Variants in CHL1 observed in about 807,000 individuals in gnomAD.
CHL1 encodes cell adhesion molecule L1 like.
A neutral mutation model predicts 141.9 loss-of-function variants in CHL1; 96 were observed. The ratio of observed to expected loss-of-function variants is 0.68; its 90% confidence interval spans 0.57 to 0.80. The LOEUF is 0.80. Ranked by LOEUF, CHL1 falls within the 30% of genes least tolerant of loss-of-function variation. The probability of loss-of-function intolerance (pLI) is 0.00; values close to 1 mark genes in which losing one functional copy is unlikely to be tolerated. For synonymous variants in CHL1, 613 were observed against 502.2 expected (o/e 1.22, Z -2.95); for missense variants, 1,820 against 1,457.2 (o/e 1.25, Z -4.05).
intron 2 of CHL1, among the ~76,000 whole-genome samples, chr3:289,713 T>C (rs1262356765): frequency 6.6e-6 from 1 of 151,974 alleles, no homozygotes; most frequent in Non-Finnish European, 1.5e-5. Context: ...TTAATACATA[T>C]TGATTTAATA....
chr3:299,432 T>A (rs1698512116), intron 2 of CHL1, among the ~76,000 whole-genome samples: 1 of 152,146 alleles, frequency 6.6e-6, no homozygotes, highest in East Asian at 1.9e-4. Context: ...CTTTTGGATG[T>A]TGATCTAGGA....
chr3:344,567 A>ACTTTT (rs770017993), intron 8 of CHL1, 22 bp from the exon 9 acceptor site: 2 of 1,584,520 alleles, frequency 1.3e-6, no homozygotes, highest in Non-Finnish European at 8.6e-7. Context: ...AAAAATTCTG[A>ACTTTT]CTTTTCTTTT....
At chr3:253,414 A>G (rs162737) in intron 2 of CHL1, among the ~76,000 whole-genome samples, 89,445 of 151,952 alleles carry the variant, frequency 0.59, 29,020 homozygotes, top group African/African-American at 0.88. Context: ...CAAGAAAGAA[A>G]CAAGAATAAG....
intron 15 of CHL1, among the ~76,000 whole-genome samples, chr3:366,346 C>T (rs1029069651): frequency 2.0e-5 from 3 of 151,894 alleles, no homozygotes. Flanking sequence ...TGGCACGTGC[C>T]TGTGATCCCA....
chr3:209,336 A>G (rs1699703097), intron 1 of CHL1, among the ~76,000 whole-genome samples: 1 of 152,232 alleles, frequency 6.6e-6, no homozygotes, highest in Non-Finnish European at 1.5e-5. Flanking sequence ...TACATTTAAT[A>G]TATTTCTTCC....
chr3:209,179 G>T (rs1420256533), intron 1 of CHL1, among the ~76,000 whole-genome samples: 2 of 152,168 alleles, frequency 1.3e-5, no homozygotes, highest in African/African-American at 2.4e-5. Flanking sequence ...ATTATGGAAA[G>T]ATCTTCCTAA....
chr3:252,395 T>TATATAC (rs1475279950), intron 2 of CHL1, among the ~76,000 whole-genome samples: 1 of 140,946 alleles, frequency 7.1e-6, no homozygotes, highest in Non-Finnish European at 1.6e-5. Context: ...TATATATATA[T>TATATAC]ATATATTTCT....
intron 24 of CHL1, 50 bp downstream of exon 24, chr3:394,922 C>G (rs1708545813): frequency 6.9e-7 from 1 of 1,439,226 alleles, no homozygotes; most frequent in South Asian, 1.3e-5. Context: ...AAAGAGACTG[C>G]ATCTTTTTAA....
At chr3:342,814 C>T (rs1702442602) in intron 7 of CHL1, among the ~76,000 whole-genome samples, 170 bp from the exon 8 acceptor site, 1 of 152,108 alleles carries the variant, frequency 6.6e-6, no homozygotes, top group African/African-American at 2.4e-5. Flanking sequence ...ATTAAACTCA[C>T]TATAATTATT....
At chr3:228,272 T>C (rs1006195886) in intron 1 of CHL1, among the ~76,000 whole-genome samples, 2 of 152,244 alleles carry the variant, frequency 1.3e-5, no homozygotes, top group Non-Finnish European at 2.9e-5. Flanking sequence ...ACCCAGGTGA[T>C]GTGCTTTTCG....
intron 2 of CHL1, among the ~76,000 whole-genome samples, chr3:274,788 C>T (rs1435898139): frequency 6.6e-6 from 1 of 152,166 alleles, no homozygotes; most frequent in Non-Finnish European, 1.5e-5. Flanking sequence ...GCACAATTTT[C>T]TCTGTTTCTT....
chr3:264,538 A>G (rs965445299), intron 2 of CHL1, among the ~76,000 whole-genome samples: 1 of 152,224 alleles, frequency 6.6e-6, no homozygotes, highest in South Asian at 2.1e-4. Context: ...TCATTTATAC[A>G]TGGTACAGAT....
chr3:202,764 A>G (rs1483885654), intron 1 of CHL1, among the ~76,000 whole-genome samples: 2 of 152,180 alleles, frequency 1.3e-5, no homozygotes, highest in Non-Finnish European at 2.9e-5. Flanking sequence ...TTTCTTACTA[A>G]TCTTCTTGGT....
chr3:398,896 G>T (rs1400966170), intron 25 of CHL1, 121 bp from the exon 26 acceptor site: 56 of 812,508 alleles, frequency 6.9e-5, no homozygotes, highest in Non-Finnish European at 3.0e-5. Context: ...TCCTTCTGGG[G>T]TCATTAAAAA....
intron 23 of CHL1, 86 bp from the exon 24 acceptor site, chr3:394,607 C>T: frequency 2.1e-6 from 2 of 964,656 alleles, no homozygotes; most frequent in Non-Finnish European, 3.2e-6. Context: ...TTACGTACCA[C>T]AAGCATAAGG....
intron 2 of CHL1, among the ~76,000 whole-genome samples, chr3:285,386 C>T (rs1193406942): frequency 1.3e-5 from 2 of 152,096 alleles, no homozygotes; most frequent in African/African-American, 4.8e-5. Context: ...CCAGAGGAGC[C>T]AATGTATATT....
chr3:348,642 C>A lies in CHL1; in HGVS notation c.849-717C>A, dbSNP rs369718105. On this transcript the variant is annotated intron_variant, in intron 9 of 27. Transcript: ENST00000256509. The stretch of plus-strand genomic sequence containing the variant: ...TGCTGGTGTGTAACAAGTTATCATG[C>A]TGGTTTTGTTTTGTCTTTACTTTCC... Among the ~76,000 whole-genome samples the A allele has an allele frequency of 5.9e-5, 9 of 152,238 alleles. 1 individual carries two copies. Among genetic ancestry groups the A allele is most frequent in the African/African-American group, 2.2e-4 (9 of 41,554 alleles).
At chr3:250,019 T>C (rs1303074669) in intron 2 of CHL1, among the ~76,000 whole-genome samples, 1 of 152,026 alleles carries the variant, frequency 6.6e-6, no homozygotes, top group East Asian at 1.9e-4. Flanking sequence ...CAGGTTGGAA[T>C]GTAGTGGTGC....
intron 4 of CHL1, among the ~76,000 whole-genome samples, chr3:326,647 A>T (rs1467137052): frequency 1.3e-5 from 2 of 151,702 alleles, no homozygotes; most frequent in South Asian, 2.1e-4. Context: ...TTTTCAAAAT[A>T]CCTTCTATGT....
Sources: gnomAD v4.1 joint callset for allele counts (sites outside exome capture counted in the v4.1 genomes callset) on GRCh38, gnomAD v4.1.1 for gene constraint, MANE v1.5 for transcripts, NCBI Gene and HGNC (gene_info 2026-07-23, HGNC 2026-07-21) for gene names.